The following WWOX variants were observed in gnomAD, a reference collection of about 807,000 sequenced individuals.
WWOX encodes WW domain containing oxidoreductase.
In WWOX, 69 loss-of-function variants were observed where a neutral mutation model predicts 46.2. The observed-to-expected ratio is 1.49, with a 90% CI of 1.23 to 1.82. The LOEUF (loss-of-function observed/expected upper bound fraction) is 1.82, where lower values mean the gene tolerates loss of function less well. Among genes scored for constraint, WWOX ranks in the 40% most tolerant of loss-of-function variants. The probability of loss-of-function intolerance (pLI) is 0.00; values close to 1 mark genes in which losing one functional copy is unlikely to be tolerated. For missense variants in WWOX, 919 were observed against 542.6 expected (o/e 1.69, Z -6.89); for synonymous variants, 359 against 202.6 (o/e 1.77, Z -6.56).
intron 8 of WWOX, among the ~76,000 whole-genome samples, chr16:78,588,005 C>A (rs1468340531): frequency 6.6e-6 from 1 of 152,172 alleles, no homozygotes; most frequent in Non-Finnish European, 1.5e-5. Flanking sequence ...AGATAAGATA[C>A]AAATGTGACC....
chr16:78,627,108 C>CT lies in WWOX; in HGVS notation c.1056+194364dup, dbSNP rs536364835. On this transcript the variant is annotated intron_variant, in intron 8 of 8. Coordinates refer to ENST00000566780, the MANE Select transcript of WWOX (RefSeq NM_016373.4). ...TTTCTGGAATCTCAGCCATATTCTTCTTTTTTTTGTTTTAAATAAAAATCA... is the reference window on the plus strand; with the variant it reads ...TTTCTGGAATCTCAGCCATATTCTTCTTTTTTTTTGTTTTAAATAAAAATCA... Among the ~76,000 whole-genome samples, 728 of 152,052 alleles carry CT rather than the reference C, an allele frequency of 4.8e-3. 8 individuals carry two copies. The highest frequency in any genetic ancestry group is 0.017 in the African/African-American group (697 of 41,490).
chr16:78,306,292 C>A (rs1013660087), intron 5 of WWOX, among the ~76,000 whole-genome samples: 7 of 152,088 alleles, frequency 4.6e-5, no homozygotes, highest in Admixed American at 2.0e-4. Context: ...TTACAGTATA[C>A]GATTCTAGAA....
At chr16:78,588,103 G>C (rs999094121) in intron 8 of WWOX, among the ~76,000 whole-genome samples, 1 of 152,040 alleles carries the variant, frequency 6.6e-6, no homozygotes, top group Non-Finnish European at 1.5e-5. Context: ...TTGCCTTCCT[G>C]CTGGCGGGCC....
chr16:78,496,314 G>A (rs767639965), intron 8 of WWOX: 3 of 152,224 alleles, frequency 2.0e-5, no homozygotes, highest in Admixed American at 6.5e-5. Flanking sequence ...CATCACTGAT[G>A]TTCTGCCTCC....
chr16:78,101,807 C>T (rs2031811561), intron 1 of WWOX, among the ~76,000 whole-genome samples: 1 of 152,190 alleles, frequency 6.6e-6, no homozygotes, highest in Non-Finnish European at 1.5e-5. Context: ...TGTGACAGGC[C>T]TTTGGCTGGC....
intron 8 of WWOX, among the ~76,000 whole-genome samples, chr16:78,942,828 G>T (rs2045878385): frequency 6.6e-6 from 1 of 152,200 alleles, no homozygotes. Flanking sequence ...CGGAAGGGAT[G>T]AATTCCAAAT....
chr16:78,764,125 C>T (rs879558962), intron 8 of WWOX, among the ~76,000 whole-genome samples: 3 of 152,148 alleles, frequency 2.0e-5, no homozygotes, highest in Non-Finnish European at 2.9e-5. Flanking sequence ...AATCGTGTCA[C>T]CACTTTTGCC....
chr16:78,411,568 G>C (rs1042891101), intron 6 of WWOX, among the ~76,000 whole-genome samples: 1 of 152,170 alleles, frequency 6.6e-6, no homozygotes, highest in Non-Finnish European at 1.5e-5. Flanking sequence ...TGCTCAGAAG[G>C]ACCTGAATGT....
chr16:78,608,731 A>G (rs1298752787), intron 8 of WWOX, among the ~76,000 whole-genome samples: 2 of 152,176 alleles, frequency 1.3e-5, no homozygotes, highest in African/African-American at 4.8e-5. Flanking sequence ...CCAGCTGCTC[A>G]TTTGGAGTAC....
At chr16:78,749,577 G>C (rs1406436852) in intron 8 of WWOX, among the ~76,000 whole-genome samples, 1 of 152,180 alleles carries the variant, frequency 6.6e-6, no homozygotes, top group Middle Eastern at 3.4e-3. Flanking sequence ...ATTTATTTCA[G>C]TGGGGAAAAA....
At chr16:78,321,280 ATATATATATACGTATATATATACG>A (rs747886857) in intron 5 of WWOX, among the ~76,000 whole-genome samples, 1 of 144,128 alleles carries the variant, frequency 6.9e-6, no homozygotes, top group Non-Finnish European at 1.5e-5. Context: ...TTTTTTAAAT[ATATATATATACGTATATATATACG>A]TATATATATG....
At chr16:78,775,629 A>C (rs1038943053) in intron 8 of WWOX, among the ~76,000 whole-genome samples, 1 of 152,172 alleles carries the variant, frequency 6.6e-6, no homozygotes, top group Non-Finnish European at 1.5e-5. Flanking sequence ...TGCTCCAATG[A>C]GGATGAAAAT....
intron 8 of WWOX, among the ~76,000 whole-genome samples, chr16:78,903,141 A>G (rs978373643): frequency 2.0e-5 from 3 of 152,214 alleles, no homozygotes; most frequent in Non-Finnish European, 4.4e-5. Context: ...GGGGCCCTGG[A>G]TAGAGAATCT....
chr16:78,468,089 G>T lies in WWOX; in HGVS notation c.1056+35337G>T, dbSNP rs539410779. Among the ~76,000 whole-genome samples, 4 of 152,176 alleles carry T rather than the reference G, an allele frequency of 2.6e-5. 1 individual carries two copies. Among genetic ancestry groups the T allele is most frequent in the Admixed American group, 2.6e-4 (4 of 15,280 alleles). On this transcript the variant is annotated intron_variant, in intron 8 of 8. Coordinates refer to ENST00000566780, the MANE Select transcript of WWOX (RefSeq NM_016373.4). Reference sequence around the variant, plus strand: ...CAATCAAAACTGACATTTTCTAAGTGTCCTCATTGCCCTCTGGGAATGTTC... The same window carrying T: ...CAATCAAAACTGACATTTTCTAAGTTTCCTCATTGCCCTCTGGGAATGTTC...
intron 8 of WWOX, among the ~76,000 whole-genome samples, chr16:78,749,736 C>T (rs889059148): frequency 2.6e-5 from 4 of 152,120 alleles, no homozygotes; most frequent in African/African-American, 9.7e-5. Flanking sequence ...AGATTGCCTC[C>T]GTTAAAGCCG....
At chr16:79,029,686 T>C (rs960975522) in intron 8 of WWOX, among the ~76,000 whole-genome samples, 4 of 152,232 alleles carry the variant, frequency 2.6e-5, no homozygotes, top group African/African-American at 7.2e-5. Flanking sequence ...ACTTTAGGCA[T>C]TGATGCGCTT....
intron 8 of WWOX, among the ~76,000 whole-genome samples, chr16:78,647,040 C>T (rs1435690656): frequency 6.6e-6 from 1 of 152,132 alleles, no homozygotes; most frequent in Admixed American, 6.6e-5. Flanking sequence ...TCCTTTTGAG[C>T]CCAGCTCTCC....
chr16:78,746,149 G>C (rs1436852331), intron 8 of WWOX, among the ~76,000 whole-genome samples: 2 of 152,134 alleles, frequency 1.3e-5, no homozygotes, highest in South Asian at 2.1e-4. Context: ...TGAACCATGG[G>C]TGGTTTGGGC....
At chr16:78,614,951 A>G (rs988015284) in intron 8 of WWOX, among the ~76,000 whole-genome samples, 4 of 152,020 alleles carry the variant, frequency 2.6e-5, no homozygotes, top group Admixed American at 2.0e-4. Context: ...GCTTGCTTTA[A>G]TCAGTTGATA....
Sources: gnomAD v4.1 joint callset for allele counts (sites outside exome capture counted in the v4.1 genomes callset) on GRCh38, gnomAD v4.1.1 for gene constraint, MANE v1.5 for transcripts, NCBI Gene and HGNC (gene_info 2026-07-23, HGNC 2026-07-21) for gene names.